Variants in ARHGAP28 observed in about 807,000 individuals in gnomAD.
The protein encoded by ARHGAP28 is Rho GTPase activating protein 28.
A neutral mutation model predicts 90.7 loss-of-function variants in ARHGAP28; 56 were observed. The ratio of observed to expected loss-of-function variants is 0.62; its 90% confidence interval spans 0.50 to 0.77. ARHGAP28 has a LOEUF of 0.77. ARHGAP28 is among the 30% of genes least tolerant of loss of function. The pLI is 0.00. For missense variants in ARHGAP28, 869 were observed against 900.9 expected, an observed-to-expected ratio of 0.96 and a Z score of 0.45; for synonymous variants, 308 against 323.3, an observed-to-expected ratio of 0.95 and a Z score of 0.51.
At chr18:6,778,195 A>G (rs571128793) in intron 1 of ARHGAP28, among the ~76,000 whole-genome samples, 40 of 152,100 alleles carry the variant, frequency 2.6e-4, no homozygotes, top group Non-Finnish European at 4.9e-4. Context: ...TTTCTCTAGG[A>G]TTTTTTCCAT....
Position 6,868,240 on chromosome 18 carries a change from C to T in ARHGAP28, c.811+6C>T, listed in dbSNP as rs746678836. 58 of 1,612,424 alleles carry T rather than the reference C, an allele frequency of 3.6e-5. No individual in the cohort carries two copies. The highest frequency in any genetic ancestry group is 4.8e-5 in the Non-Finnish European group (56 of 1,178,640). On this transcript the variant is annotated splice_donor_region_variant and intron_variant, in intron 6 of 17. Coordinates refer to ENST00000383472, the MANE Select transcript of ARHGAP28 (RefSeq NM_001366230.1). The stretch of plus-strand genomic sequence containing the variant: ...AGTTCAGAATGCGATAAGTGGTGAG[C>T]GGCATGCCTCCTGTTGAACTTCAGC...
At chr18:6,733,686 A>G (rs1358705749) in intron 1 of ARHGAP28, among the ~76,000 whole-genome samples, 2 of 152,230 alleles carry the variant, frequency 1.3e-5, no homozygotes, top group Admixed American at 1.3e-4. Context: ...AAAACCATCA[A>G]GATACAACAT....
chr18:6,829,098 C>T (rs1434349648), intron 2 of ARHGAP28, among the ~76,000 whole-genome samples: 2 of 152,212 alleles, frequency 1.3e-5, no homozygotes, highest in Non-Finnish European at 2.9e-5. Context: ...AGAATCCATT[C>T]AAGGGAACCA....
chr18:6,749,276 A>G (rs2056049523), intron 1 of ARHGAP28, among the ~76,000 whole-genome samples: 1 of 152,244 alleles, frequency 6.6e-6, no homozygotes, highest in Non-Finnish European at 1.5e-5. Context: ...CATATCTTAT[A>G]GGAAAGTTAG....
At chr18:6,841,214 T>TC (rs999787970) in intron 3 of ARHGAP28, among the ~76,000 whole-genome samples, 1 of 112,954 alleles carries the variant, frequency 8.9e-6, no homozygotes, top group Admixed American at 9.4e-5. Flanking sequence ...CTCTCCTCTC[T>TC]CTCTCTCTCC....
At chr18:6,840,176 G>A (rs1196748322) in intron 3 of ARHGAP28, among the ~76,000 whole-genome samples, 2 of 152,180 alleles carry the variant, frequency 1.3e-5, no homozygotes, top group African/African-American at 4.8e-5. Context: ...GCCTGAGCCT[G>A]GGAATTCTTC....
At chr18:6,849,584 C>T (rs926522489) in intron 3 of ARHGAP28, among the ~76,000 whole-genome samples, 1 of 152,126 alleles carries the variant, frequency 6.6e-6, no homozygotes, top group African/African-American at 2.4e-5. Context: ...TTTTTATAAT[C>T]CAAAAAACTT....
At chr18:6,842,679 T>C (rs549699374) in intron 3 of ARHGAP28, among the ~76,000 whole-genome samples, 1 of 152,274 alleles carries the variant, frequency 6.6e-6, no homozygotes, top group Admixed American at 6.5e-5. Context: ...ATTGACAGAT[T>C]GATTAGTATG....
intron 1 of ARHGAP28, among the ~76,000 whole-genome samples, chr18:6,811,255 T>C (rs1400721777): frequency 6.6e-6 from 1 of 152,210 alleles, no homozygotes; most frequent in Non-Finnish European, 1.5e-5. Flanking sequence ...TGTGTTAATA[T>C]AATGTTCATT....
chr18:6,854,040 A>G (rs1045289954), intron 4 of ARHGAP28, among the ~76,000 whole-genome samples: 2 of 151,980 alleles, frequency 1.3e-5, no homozygotes, highest in African/African-American at 2.4e-5. Flanking sequence ...TGGGTTCACA[A>G]TGGCAACTAA....
chr18:6,834,086 G>A lies in ARHGAP28; in HGVS notation c.326-3111G>A, dbSNP rs75963928. On this transcript the variant is annotated intron_variant, in intron 2 of 17. Coordinates refer to ENST00000383472, the MANE Select transcript of ARHGAP28 (RefSeq NM_001366230.1). ...TCAAGTTAACTGTGGGAACTAAAAT[G>A]AACTCCCTTTAGAGCAGGATAAGGA... 9.0e-3 allele frequency among the ~76,000 whole-genome samples: 1,368 copies of A among 152,002 alleles called. 14 individuals carry two copies. The highest frequency in any genetic ancestry group is 0.031 in the African/African-American group (1,266 of 41,454).
chr18:6,870,882 G>C (rs987637207), intron 7 of ARHGAP28, 150 bp downstream of exon 7: 25 of 765,202 alleles, frequency 3.3e-5, no homozygotes, highest in South Asian at 5.9e-5. Context: ...CTCACTGCAA[G>C]CTCTGCCTCC....
intron 1 of ARHGAP28, among the ~76,000 whole-genome samples, chr18:6,794,174 C>T (rs1414149376): frequency 6.6e-6 from 1 of 152,210 alleles, no homozygotes; most frequent in African/African-American, 2.4e-5. Context: ...CCCCACTAAA[C>T]ATGATAAATT....
At chr18:6,733,072 C>G (rs1374177221) in intron 1 of ARHGAP28, among the ~76,000 whole-genome samples, 2 of 152,070 alleles carry the variant, frequency 1.3e-5, no homozygotes, top group Non-Finnish European at 2.9e-5. Flanking sequence ...TCATTCTTAC[C>G]TCATTTTATA....
chr18:6,787,345 T>C (rs1236897089), intron 1 of ARHGAP28, among the ~76,000 whole-genome samples: 1 of 151,934 alleles, frequency 6.6e-6, no homozygotes, highest in East Asian at 1.9e-4. Context: ...TAAGCTACAT[T>C]GTTATTATTT....
intron 14 of ARHGAP28, among the ~76,000 whole-genome samples, chr18:6,893,940 C>T (rs1164678151): frequency 1.0e-4 from 15 of 146,250 alleles, no homozygotes; most frequent in Admixed American, 7.6e-4. Flanking sequence ...GATCTCGGCT[C>T]GCTGCAACCT....
At chr18:6,833,860 G>A (rs2056733261) in intron 2 of ARHGAP28, among the ~76,000 whole-genome samples, 1 of 152,002 alleles carries the variant, frequency 6.6e-6, no homozygotes, top group Admixed American at 6.5e-5. Context: ...ATGGACTCCT[G>A]GTTTATTTAG....
chr18:6,752,176 C>A (rs929277033), intron 1 of ARHGAP28, among the ~76,000 whole-genome samples: 1 of 152,134 alleles, frequency 6.6e-6, no homozygotes, highest in African/African-American at 2.4e-5. Flanking sequence ...GGCCAATGCC[C>A]ATTCACCCTT....
intron 1 of ARHGAP28, among the ~76,000 whole-genome samples, chr18:6,755,497 C>T (rs1179959189): frequency 1.3e-5 from 2 of 152,100 alleles, no homozygotes; most frequent in Non-Finnish European, 2.9e-5. Flanking sequence ...TCATGATGGT[C>T]AGAACAATTG....
Sources: allele counts gnomAD v4.1 joint callset (sites outside exome capture counted in the v4.1 genomes callset), GRCh38; gene constraint gnomAD v4.1.1; transcripts MANE v1.5; gene names NCBI Gene and HGNC (gene_info 2026-07-23, HGNC 2026-07-21).